KMT2C: variants seen among roughly 807,000 people sequenced by gnomAD.
KMT2C encodes the protein lysine methyltransferase 2C, also known as histone-lysine N-methyltransferase 2C.
A neutral mutation model predicts 507.9 loss-of-function variants in KMT2C; 88 were observed. That is an observed-to-expected ratio of 0.17 (90% CI 0.15 to 0.21). The LOEUF is 0.21. KMT2C is among the 10% of genes least tolerant of loss of function. The pLI, the probability that KMT2C is intolerant of heterozygous loss-of-function variation, is 1.00. For missense variants in KMT2C, 4,954 were observed against 5,957.8 expected (o/e 0.83, Z 5.55); for synonymous variants, 2,049 against 2,080.8 (o/e 0.98, Z 0.42).
intron 4 of KMT2C, among the ~76,000 whole-genome samples, chr7:152,313,762 C>T (rs2129201603): frequency 6.6e-6 from 1 of 152,136 alleles, no homozygotes; most frequent in South Asian, 2.1e-4. Context: ...GCCATATTAT[C>T]ATTACTTATT....
intron 1 of KMT2C, among the ~76,000 whole-genome samples, chr7:152,392,903 A>C (rs570953132): frequency 6.6e-6 from 1 of 152,286 alleles, no homozygotes; most frequent in African/African-American, 2.4e-5. Context: ...GAAGGAAGAA[A>C]GGGCAACATA....
intron 15 of KMT2C, among the ~76,000 whole-genome samples, 156 bp from the exon 16 acceptor site, chr7:152,236,089 G>A (rs1383829063): frequency 3.7e-4 from 57 of 152,148 alleles, no homozygotes; most frequent in Non-Finnish European, 1.2e-4. Flanking sequence ...ATCTTTAAAC[G>A]TATACTCCAC....
chr7:152,262,151 C>T (rs1026620783), intron 9 of KMT2C, among the ~76,000 whole-genome samples: 1 of 152,178 alleles, frequency 6.6e-6, no homozygotes, highest in South Asian at 2.1e-4. Context: ...CCTCCTCCCC[C>T]AGCTGGGGAC....
intron 4 of KMT2C, 92 bp from the exon 5 acceptor site, chr7:152,312,038 T>C: frequency 1.0e-6 from 1 of 976,340 alleles, no homozygotes; most frequent in South Asian, 2.2e-5. Context: ...GCCAAATCAA[T>C]TTTAATTTAT....
rs990968176 is a variant in KMT2C at position 152,429,204 on chromosome 7, C to T, written c.161+6422G>A. On this transcript the variant is annotated intron_variant, in intron 1 of 58. Coordinates refer to ENST00000262189, the MANE Select transcript of KMT2C (RefSeq NM_170606.3). ...CCAGGGTTGACTGTTCATCCCAGGA[C>T]ATATTTAGCACTTTGTAGCTCTTTA... is the stretch of plus-strand genomic sequence containing the variant. 2.0e-5 allele frequency among the ~76,000 whole-genome samples: 3 copies of T among 152,176 alleles called. No individual in the cohort carries two copies. In the East Asian group the frequency reaches 5.8e-4, roughly 29 times the overall value.
At chr7:152,264,941 A>G in intron 8 of KMT2C, 97 bp downstream of exon 8, 1 of 1,410,354 alleles carries the variant, frequency 7.1e-7, no homozygotes, top group South Asian at 1.7e-5. Context: ...TAGCTAAAAT[A>G]TGAACAACCT....
At chr7:152,187,520 T>G (rs751852529) in intron 32 of KMT2C, 44 bp from the exon 33 acceptor site, 5 of 1,521,010 alleles carry the variant, frequency 3.3e-6, no homozygotes, top group Non-Finnish European at 4.5e-6. Flanking sequence ...ATAAAATAAC[T>G]TCTTAATATA....
In KMT2C at chr7:152,182,220, T is replaced by G. The variant is rs757490788; in HGVS notation, c.5640A>C (p.Gln1880His). 6.2e-6 allele frequency: 10 copies of G among 1,614,046 alleles called. No homozygotes were observed. The Admixed American group carries it at 1.0e-4, about 16-fold the overall frequency. The change falls in exon 36 of 59, where the codon CAA becomes CAC. Residue 1880 changes from glutamine to histidine, a missense_variant. Physicochemically the swap from Gln to His is conservative, Grantham distance 24 (BLOSUM62 0). Around this residue, in one of 29 missense-constraint regions of KMT2C, gnomAD observed 1,689 missense variants for 1,654.3 expected, o/e 1.02. Coordinates refer to ENST00000262189, the MANE Select transcript of KMT2C (RefSeq NM_170606.3). ...QAQTSQPPSP[Q>H]VFSPGSSNSR... The stretch of plus-strand genomic sequence containing the variant: ...AGTTAGAGGACCCAGGTGAAAACAC[T>G]TGCGGTGAGGGTGGCTGAGAAGTCT...
intron 2 of KMT2C, among the ~76,000 whole-genome samples, chr7:152,331,323 G>A (rs1243166537): frequency 1.3e-5 from 2 of 149,792 alleles, no homozygotes; most frequent in Non-Finnish European, 3.0e-5. Flanking sequence ...AAAAAAAAAA[G>A]AATCTTATTT....
chr7:152,300,261 T>C (rs184653232), intron 6 of KMT2C, among the ~76,000 whole-genome samples: 1 of 152,236 alleles, frequency 6.6e-6, no homozygotes, highest in Admixed American at 6.5e-5. Flanking sequence ...GTCTGTCTGT[T>C]TGCACAGTTG....
intron 31 of KMT2C, among the ~76,000 whole-genome samples, chr7:152,193,166 A>ATC (rs2093856403): frequency 6.6e-6 from 1 of 152,174 alleles, no homozygotes; most frequent in Non-Finnish European, 1.5e-5. Flanking sequence ...ACAGAGCGAG[A>ATC]CCGTTTCAAA....
intron 2 of KMT2C, among the ~76,000 whole-genome samples, chr7:152,339,413 A>G (rs2096969563): frequency 6.6e-6 from 1 of 152,190 alleles, no homozygotes; most frequent in Non-Finnish European, 1.5e-5. Flanking sequence ...ATATCCCAAA[A>G]TATCATTCAC....
At chr7:152,303,337 A>G (rs753588524) in intron 6 of KMT2C, among the ~76,000 whole-genome samples, 21 of 152,336 alleles carry the variant, frequency 1.4e-4, no homozygotes, top group Non-Finnish European at 2.6e-4. Context: ...TAAGCTGTAT[A>G]GTTTTGGTGT....
intron 23 of KMT2C, among the ~76,000 whole-genome samples, chr7:152,215,312 G>A (rs2094544991): frequency 6.6e-6 from 1 of 151,630 alleles, no homozygotes; most frequent in Admixed American, 6.6e-5. Context: ...AGGAGATTGA[G>A]ACCAACCTGG....
In KMT2C at chr7:152,148,905, C is replaced by T. The variant is rs768703657; in HGVS notation, c.13022G>A (p.Gly4341Glu). 6.2e-7 allele frequency: 1 copy of T among 1,613,870 alleles called. No homozygotes were observed. The highest frequency in any genetic ancestry group is 1.3e-5 in the African/African-American group (1 of 74,896). The change falls in exon 52 of 59, where the codon GGG becomes GAG. Residue 4341 changes from glycine (G) to glutamate (E), a missense_variant. Transcript: ENST00000262189. The surrounding 1 kb of genome is among the most constrained non-coding windows in gnomAD (Gnocchi z 7.1). ...LKPRLRAVHGGFEDCRPLNKK... is the reference protein window; with the variant it reads ...LKPRLRAVHGEFEDCRPLNKK... ...ATTGAGCGGCCTGCAATCTTCAAAC[C>T]CACCATGGACAGCTCTTAGCCGAGG...
At position 152,144,666 on chromosome 7, in the gene KMT2C, G is replaced by GAC. The variant is rs1231411421; in HGVS notation, c.14343+45_14343+46dup. 1.9e-6 allele frequency: 3 copies of GAC among 1,560,590 alleles called. No individual in the cohort carries two copies. Among genetic ancestry groups the GAC allele is most frequent in the Non-Finnish European group, 2.6e-6 (3 of 1,140,106 alleles). On this transcript the variant is annotated intron_variant, in intron 55 of 58. Transcript: ENST00000262189. The surrounding 1 kb of genome is among the most constrained non-coding windows in gnomAD (Gnocchi z 4.4). Reference sequence around the variant, plus strand: ...GGACATCAATAGCTTCAGATTGCTAGACTCCACCCTGTCTCTCCACTTCCT... The same window carrying GAC: ...GGACATCAATAGCTTCAGATTGCTAGACACTCCACCCTGTCTCTCCACTTCCT...
In KMT2C at chr7:152,148,628, A is replaced by G. The variant is rs1344088642; in HGVS notation, c.13299T>C (p.Ala4433=). 1 of 1,614,202 alleles carries G rather than the reference A, an allele frequency of 6.2e-7. No individual in the cohort carries two copies. The highest frequency in any genetic ancestry group is 8.5e-7 in the Non-Finnish European group (1 of 1,180,034). The part of the protein sequence containing the change: ...DLDLWVHLNC[A]LWSTEVYETQ... The stretch of plus-strand genomic sequence containing the variant: ...TCTCATAGACCTCCGTGGACCACAG[A>G]GCGCAGTTCAAGTGGACCCACAGAT... Residue 4433 remains alanine, a synonymous_variant, in exon 52 of 59, where the codon GCT becomes GCC. Coordinates refer to ENST00000262189, the MANE Select transcript of KMT2C (RefSeq NM_170606.3). This position sits in a 1 kb window ranked among gnomAD's most constrained non-coding sequence, Gnocchi z 7.1.
At chr7:152,253,581 C>CT (rs1191141424) in intron 9 of KMT2C, among the ~76,000 whole-genome samples, 3 of 148,338 alleles carry the variant, frequency 2.0e-5, no homozygotes, top group African/African-American at 7.5e-5. Context: ...GTAGTCCCTG[C>CT]TACTTGGGAA....
rs4024414 is a variant in KMT2C, at chr7:152,233,299, C to T, written c.2769+2518G>A. Among the ~76,000 whole-genome samples the T allele has an allele frequency of 9.2e-5, 14 of 152,082 alleles. No individual in the cohort carries two copies. The East Asian group carries it at 1.2e-3, about 13-fold the overall frequency. On this transcript the variant is annotated intron_variant, in intron 16 of 58. Transcript: ENST00000262189. The stretch of plus-strand genomic sequence containing the variant: ...GGCAAAGGTAATCTTTGAGAAAATA[C>T]GTGCTATTGTTGCCTGCATAGATAA...
Sources: allele counts gnomAD v4.1 joint callset (sites outside exome capture counted in the v4.1 genomes callset), GRCh38; gene constraint gnomAD v4.1.1; regional missense constraint gnomAD v4.1.1; non-coding constraint Gnocchi (gnomAD v3.1); transcripts MANE v1.5; gene names NCBI Gene and HGNC (gene_info 2026-07-23, HGNC 2026-07-21).